The following MAPK6 variants were observed in gnomAD, a reference collection of about 807,000 sequenced individuals.
MAPK6 encodes mitogen-activated protein kinase 6.
A neutral mutation model predicts 59.3 loss-of-function variants in MAPK6; 19 were observed. The observed-to-expected ratio is 0.32, with a 90% CI of 0.22 to 0.47. The LOEUF is 0.47. MAPK6 is among the 20% of genes least tolerant of loss of function. MAPK6 has a pLI of 1.00. For missense variants in MAPK6, 724 were observed against 847.9 expected (o/e 0.85, Z 1.81); for synonymous variants, 316 against 290.3 (o/e 1.09, Z -0.90).
intron 3 of MAPK6, among the ~76,000 whole-genome samples, chr15:52,054,771 C>CATACATAGAT (rs1279912757): frequency 6.6e-6 from 1 of 151,660 alleles, no homozygotes; most frequent in East Asian, 1.9e-4. Flanking sequence ...CATAGATACA[C>CATACATAGAT]ACATACATAT....
chr15:51,993,791 CTTTTTTCTTTCTTTTT>C (rs1265217925), intron 2 of MAPK6, among the ~76,000 whole-genome samples: 1 of 150,208 alleles, frequency 6.7e-6, no homozygotes, highest in Non-Finnish European at 1.5e-5. Context: ...TCTTTCTTTT[CTTTTTTCTTTCTTTTT>C]TTTTTTTTTT....
chr15:52,028,252 A>G (rs1367462994), intron 1 of MAPK6, among the ~76,000 whole-genome samples: 1 of 151,752 alleles, frequency 6.6e-6, no homozygotes, highest in Non-Finnish European at 1.5e-5. Flanking sequence ...GCGCCCGGCA[A>G]TTTTTGTATT....
intron 1 of MAPK6, among the ~76,000 whole-genome samples, chr15:52,035,981 G>A (rs1012144008): frequency 6.6e-6 from 1 of 151,920 alleles, no homozygotes; most frequent in African/African-American, 2.4e-5. Context: ...AGTGAGGCTT[G>A]GTATCTTGCA....
chr15:51,983,669 G>A (rs1264453019), intron 2 of MAPK6, among the ~76,000 whole-genome samples: 1 of 151,832 alleles, frequency 6.6e-6, no homozygotes, highest in Non-Finnish European at 1.5e-5. Context: ...AAATTAGCTG[G>A]CATGGCACAT....
intron 3 of MAPK6, chr15:52,057,366 C>T (rs939102077): frequency 6.6e-6 from 1 of 152,206 alleles, no homozygotes; most frequent in Non-Finnish European, 1.5e-5. Context: ...TGACTTATCT[C>T]CCATTATCTG....
chr15:51,972,977 C>G (rs2057141605), intron 1 of MAPK6, among the ~76,000 whole-genome samples: 1 of 151,900 alleles, frequency 6.6e-6, no homozygotes. Context: ...CCACTTCACT[C>G]TAGCCTGAGT....
In MAPK6 at chr15:52,046,744, T is replaced by A; in HGVS notation, c.284T>A (p.Val95Glu). ...AGTGGAAGCCAATTAACAGACGATG[T>A]GGGCTCTCTTACGGAACTGAACAGT... ...GPSGSQLTDD[V>E]GSLTELNSVY... The change falls in exon 2 of 6, where the codon GTG becomes GAG. Residue 95 changes from valine (V) to glutamate (E), a missense_variant. Physicochemically the swap from Val to Glu is moderately radical, Grantham distance 121 (BLOSUM62 -2). Transcript: ENST00000261845. The A allele has an allele frequency of 6.2e-7, 1 of 1,614,224 alleles. No homozygotes were observed. Among genetic ancestry groups the A allele is most frequent in the Non-Finnish European group, 8.5e-7 (1 of 1,180,034 alleles).
At chr15:52,010,957 C>G (rs1338529292) in intron 3 of MAPK6, 1 of 152,214 alleles carries the variant, frequency 6.6e-6, no homozygotes. Context: ...TGGGTTTTGA[C>G]TGAAAACATT....
intron 2 of MAPK6, among the ~76,000 whole-genome samples, chr15:51,991,474 A>G (rs2057208631): frequency 6.6e-6 from 1 of 152,196 alleles, no homozygotes; most frequent in African/African-American, 2.4e-5. Context: ...ATAACGAGAA[A>G]TTAATACAAA....
chr15:52,051,063 A>G (rs1490523512), intron 3 of MAPK6, among the ~76,000 whole-genome samples: 1 of 147,520 alleles, frequency 6.8e-6, no homozygotes, highest in Non-Finnish European at 1.5e-5. Context: ...CTCTATACCC[A>G]TTTTTTTTTT....
chr15:52,051,020 C>G (rs984430653), intron 3 of MAPK6, among the ~76,000 whole-genome samples: 1 of 151,976 alleles, frequency 6.6e-6, no homozygotes, highest in African/African-American at 2.4e-5. Flanking sequence ...GTGATTAAGG[C>G]CTTTTTCTGT....
intron 1 of MAPK6, among the ~76,000 whole-genome samples, chr15:52,044,453 A>G (rs2031536688): frequency 6.6e-6 from 1 of 152,166 alleles, no homozygotes. Context: ...TGCCTAGCAT[A>G]TAGTAGTTGC....
In MAPK6 at chr15:52,058,539, C is replaced by G. The variant is rs2032071339; in HGVS notation, c.701-94C>G. ...GATACAATTCAAACTTTTCCCCCCA[C>G]TGGTCATTATAATATTTAAATTAGT... On this transcript the variant is annotated intron_variant, in intron 3 of 5. Coordinates refer to ENST00000261845, the MANE Select transcript of MAPK6 (RefSeq NM_002748.4). 6 of 1,060,194 alleles carry G rather than the reference C, an allele frequency of 5.7e-6. No homozygotes were observed. The South Asian group carries it at 1.0e-4, about 18-fold the overall frequency. The allele number at this position is 1,060,194 out of a possible 1,614,324, so 65.7% of individuals were successfully genotyped here. A position where few individuals can be genotyped will look rare whatever the true frequency, so the allele number is the denominator to read the frequency against.
At chr15:52,027,183 C>G (rs1293796654) in intron 1 of MAPK6, among the ~76,000 whole-genome samples, 1 of 151,674 alleles carries the variant, frequency 6.6e-6, no homozygotes, top group Non-Finnish European at 1.5e-5. Flanking sequence ...GAAACCCCAT[C>G]TCTACTAAAA....
At chr15:51,995,670 G>C (rs2057222150) in intron 2 of MAPK6, among the ~76,000 whole-genome samples, 1 of 152,190 alleles carries the variant, frequency 6.6e-6, no homozygotes, top group Non-Finnish European at 1.5e-5. Flanking sequence ...GCTCATGCCT[G>C]TAATCCCAGC....
At chr15:51,999,955 A>G (rs1348794433) in intron 2 of MAPK6, among the ~76,000 whole-genome samples, 1 of 151,348 alleles carries the variant, frequency 6.6e-6, no homozygotes, top group African/African-American at 2.4e-5. Flanking sequence ...ATATTTATTT[A>G]TTGAGATGGG....
chr15:51,981,245 C>A (rs1029590499), intron 1 of MAPK6, among the ~76,000 whole-genome samples: 1 of 150,036 alleles, frequency 6.7e-6, no homozygotes, highest in Non-Finnish European at 1.5e-5. Flanking sequence ...AGGCCGAGGC[C>A]AGCGGAACAT....
intron 2 of MAPK6, 61 bp from the exon 3 acceptor site, chr15:52,049,932 A>G (rs117327480): frequency 0.012 from 17,180 of 1,436,222 alleles, 155 homozygotes; most frequent in Admixed American, 0.015. Flanking sequence ...TTCTTTAATC[A>G]AGTTGTAAGT....
At chr15:52,061,014 G>A (rs970823716) in intron 4 of MAPK6, among the ~76,000 whole-genome samples, 12 of 152,122 alleles carry the variant, frequency 7.9e-5, no homozygotes, top group South Asian at 2.1e-4. Flanking sequence ...ATATTAGGCC[G>A]GGATTACAGG....
Sources: gnomAD v4.1 joint callset for allele counts (sites outside exome capture counted in the v4.1 genomes callset) on GRCh38, gnomAD v4.1.1 for gene constraint, MANE v1.5 for transcripts, NCBI Gene and HGNC (gene_info 2026-07-23, HGNC 2026-07-21) for gene names.